The following LAMA2 variants were observed in gnomAD, a reference collection of about 807,000 sequenced individuals.
LAMA2 encodes the protein laminin subunit alpha 2, also known as laminin subunit alpha-2.
A neutral mutation model predicts 364.8 loss-of-function variants in LAMA2; 269 were observed. The observed-to-expected ratio is 0.74, with a 90% CI of 0.67 to 0.82. The LOEUF (loss-of-function observed/expected upper bound fraction) is 0.82. Among genes scored for constraint, LAMA2 ranks in the 40% least tolerant of loss-of-function variants. LAMA2 has a pLI of 0.00. For synonymous variants in LAMA2, 1,379 were observed against 1,370.6 expected (o/e 1.01, Z -0.14); for missense variants, 3,807 against 3,873.2 (o/e 0.98, Z 0.45).
At chr6:129,048,505 C>T (rs866661005) in intron 1 of LAMA2, among the ~76,000 whole-genome samples, 62 of 38,260 alleles carry the variant, frequency 1.6e-3, no homozygotes, top group African/African-American at 3.0e-3. Context: ...TCCTTCCTTC[C>T]TTCCTTCCTT....
At position 129,066,047 on chromosome 6, in the gene LAMA2, T is replaced by TTTTTTTC. The variant is rs1789296174; in HGVS notation, c.396+6157_396+6158insCTTTTTT. Among the ~76,000 whole-genome samples the TTTTTTTC allele has an allele frequency of 7.3e-5, 6 of 81,864 alleles. No individual in the cohort carries two copies. The East Asian group carries it at 1.8e-3, about 25-fold the overall frequency. 53.7% of individuals were successfully genotyped at this position (81,864 alleles called of 152,430 possible). ...AATTGCCCAGTCTCAGGTTTTTTTTTTTTTTTTTTTTTTTTTGAGACGCAG... is the reference window on the plus strand; with the variant it reads ...AATTGCCCAGTCTCAGGTTTTTTTTTTTTTTTCTTTTTTTTTTTTTTTTGAGACGCAG... On this transcript the variant is annotated intron_variant, in intron 3 of 64. Transcript: ENST00000421865.
rs546251267 is a variant in LAMA2, at chr6:129,423,144, A to T, written c.5866-4608A>T. Among the ~76,000 whole-genome samples the T allele has an allele frequency of 2.8e-3, 426 of 151,816 alleles. 2 individuals carry two copies. Among genetic ancestry groups the T allele is most frequent in the African/African-American group, 9.3e-3 (386 of 41,456 alleles). The stretch of plus-strand genomic sequence containing the variant: ...TGACAAAATGCGTCTATTTTTTTTT[A>T]AAAACTGCCTACTAAGAGTAGGGGA... On this transcript the variant is annotated intron_variant, in intron 40 of 64. Transcript: ENST00000421865.
rs76617691 is a variant in LAMA2, at chr6:129,009,130, G to A, written c.113-40788G>A. On this transcript the variant is annotated intron_variant, in intron 1 of 64. Coordinates refer to ENST00000421865, the MANE Select transcript of LAMA2 (RefSeq NM_000426.4). ...CTCATCTGGTGGTCATGGGGAAATG[G>A]TCCTCTTTCTTGGATATCTTTGGAG... 7.7e-3 allele frequency among the ~76,000 whole-genome samples: 1,168 copies of A among 152,172 alleles called. 10 individuals carry two copies. Among genetic ancestry groups the A allele is most frequent in the African/African-American group, 0.026 (1,089 of 41,520 alleles).
chr6:129,514,052 T>G (rs1457169155), intron 63 of LAMA2, among the ~76,000 whole-genome samples: 1 of 152,198 alleles, frequency 6.6e-6, no homozygotes, highest in African/African-American at 2.4e-5. Context: ...GAGGTAGAAT[T>G]TTTCCCTGTG....
chr6:129,291,653 G>C lies in LAMA2; in HGVS notation c.2789G>C (p.Cys930Ser). The change falls in exon 20 of 65, where the codon TGC (cysteine) becomes TCC (serine). Residue 930 changes from cysteine (C) to serine (S), a missense_variant. By Grantham distance (112) the Cys-to-Ser change is moderately radical. Around this residue, in one of 3 missense-constraint regions of LAMA2, gnomAD observed 3,333 missense variants for 3,345.7 expected, o/e 1.00. Coordinates refer to ENST00000421865, the MANE Select transcript of LAMA2 (RefSeq NM_000426.4). ...GCCGGTGGCTCTTTCTCTGAGGTTT[G>C]CCACAGTCAAACTGGACAGTGTGAG... ...CNAGGSFSEV[C>S]HSQTGQCECR... The C allele has an allele frequency of 6.2e-7, 1 of 1,614,092 alleles. No individual in the cohort carries two copies. Among genetic ancestry groups the C allele is most frequent in the South Asian group, 1.1e-5 (1 of 91,072 alleles).
At chr6:129,248,071 C>T (rs1785897453) in intron 12 of LAMA2, among the ~76,000 whole-genome samples, 1 of 152,154 alleles carries the variant, frequency 6.6e-6, no homozygotes, top group African/African-American at 2.4e-5. Context: ...AGCATCACTG[C>T]CTGAGCTCTA....
chr6:129,235,218 G>A (rs1037841508), intron 12 of LAMA2, among the ~76,000 whole-genome samples: 1 of 152,126 alleles, frequency 6.6e-6, no homozygotes, highest in African/African-American at 2.4e-5. Context: ...TCAGTACGTA[G>A]AGTTTGTGGA....
chr6:129,283,474 T>A (rs2114401523), intron 18 of LAMA2, among the ~76,000 whole-genome samples: 1 of 152,024 alleles, frequency 6.6e-6, no homozygotes, highest in East Asian at 1.9e-4. Context: ...AACATGAAAC[T>A]TAATGGGATA....
intron 1 of LAMA2, among the ~76,000 whole-genome samples, chr6:128,908,576 CA>C (rs1436458592): frequency 3.6e-5 from 5 of 138,062 alleles, no homozygotes; most frequent in African/African-American, 1.4e-4. Context: ...TTGATCCTTT[CA>C]AAAAACCAGC....
chr6:129,406,513 A>G (rs1197339259), intron 40 of LAMA2, among the ~76,000 whole-genome samples: 1 of 152,186 alleles, frequency 6.6e-6, no homozygotes, highest in African/African-American at 2.4e-5. Context: ...GTACTTCTCT[A>G]GAGGGTGCAA....
chr6:129,131,868 T>G (rs1777496974), intron 4 of LAMA2, among the ~76,000 whole-genome samples: 1 of 152,218 alleles, frequency 6.6e-6, no homozygotes, highest in Admixed American at 6.5e-5. Context: ...CATCACAATG[T>G]TGAGCTACAA....
At chr6:128,891,551 G>T (rs1186838902) in intron 1 of LAMA2, among the ~76,000 whole-genome samples, 1 of 151,860 alleles carries the variant, frequency 6.6e-6, no homozygotes, top group Non-Finnish European at 1.5e-5. Context: ...GTAAAACACT[G>T]AATATAAAAC....
rs77495781 is a variant in LAMA2 at position 128,932,203 on chromosome 6, A to G, written c.112+48846A>G. 7.2e-5 allele frequency among the ~76,000 whole-genome samples: 11 copies of G among 152,318 alleles called. No homozygotes were observed. In the South Asian group the frequency reaches 1.0e-3, roughly 14 times the overall value. ...CTATGTCTCCTCTGTTGTGAGGAGAATATTGCCCTGCAGCAATATTCTCAC... is the reference window on the plus strand; with the variant it reads ...CTATGTCTCCTCTGTTGTGAGGAGAGTATTGCCCTGCAGCAATATTCTCAC... On this transcript the variant is annotated intron_variant, in intron 1 of 64. Coordinates refer to ENST00000421865, the MANE Select transcript of LAMA2 (RefSeq NM_000426.4).
intron 34 of LAMA2, among the ~76,000 whole-genome samples, chr6:129,372,009 T>G (rs1202447856): frequency 2.0e-5 from 3 of 152,196 alleles, no homozygotes; most frequent in Non-Finnish European, 4.4e-5. Flanking sequence ...TTAAACAGAC[T>G]TTATTTTTTA....
intron 32 of LAMA2, among the ~76,000 whole-genome samples, 169 bp downstream of exon 32, chr6:129,353,526 G>C (rs1488693029): frequency 1.3e-5 from 2 of 148,890 alleles, no homozygotes; most frequent in Admixed American, 1.4e-4. Flanking sequence ...TTCACCTGCT[G>C]ATTGCGTGTC....
intron 23 of LAMA2, 139 bp from the exon 24 acceptor site, chr6:129,314,516 G>T: frequency 1.4e-6 from 1 of 726,368 alleles, no homozygotes; most frequent in Non-Finnish European, 2.4e-6. Context: ...TGCCATTTGA[G>T]ATGTGAGTCT....
intron 3 of LAMA2, among the ~76,000 whole-genome samples, chr6:129,090,649 A>G (rs1774760627): frequency 6.6e-6 from 1 of 152,190 alleles, no homozygotes; most frequent in Non-Finnish European, 1.5e-5. Context: ...TTCCTGTAGT[A>G]CTGTTTGCAT....
intron 1 of LAMA2, among the ~76,000 whole-genome samples, chr6:129,011,242 G>A (rs1784752062): frequency 6.6e-6 from 1 of 152,162 alleles, no homozygotes. Context: ...CACTAATAGA[G>A]CTTTCAGCTA....
chr6:129,190,070 A>C, intron 10 of LAMA2, 135 bp from the exon 11 acceptor site: 1 of 877,324 alleles, frequency 1.1e-6, no homozygotes, highest in Non-Finnish European at 1.8e-6. Flanking sequence ...GATTTTTAAA[A>C]ATATCATTAT....
Sources: gnomAD v4.1 joint callset for allele counts (sites outside exome capture counted in the v4.1 genomes callset) on GRCh38, gnomAD v4.1.1 for gene constraint, gnomAD v4.1.1 regional missense constraint, MANE v1.5 for transcripts, NCBI Gene and HGNC (gene_info 2026-07-23, HGNC 2026-07-21) for gene names.